Variants in PRDX1 observed in about 807,000 individuals in gnomAD.
PRDX1 encodes peroxiredoxin-1.
A neutral mutation model predicts 20.7 loss-of-function variants in PRDX1; 19 were observed. The ratio of observed to expected loss-of-function variants is 0.92; its 90% CI spans 0.64 to 1.35. The LOEUF is 1.35. PRDX1 is among the 40% of genes most tolerant of loss of function. PRDX1 has a pLI of 0.00. For missense variants in PRDX1, 226 were observed against 240.0 expected, an observed-to-expected ratio of 0.94 and a Z score of 0.38; for synonymous variants, 89 against 83.9, an observed-to-expected ratio of 1.06 and a Z score of -0.33.
chr1:45,516,819 C>A (rs1431622460), intron 2 of PRDX1, among the ~76,000 whole-genome samples: 1 of 151,896 alleles, frequency 6.6e-6, no homozygotes, highest in Non-Finnish European at 1.5e-5. Context: ...GTCAGGAGTT[C>A]AAGACCAGGC....
At chr1:45,516,203 C>T (rs1643860213) in intron 2 of PRDX1, among the ~76,000 whole-genome samples, 1 of 152,234 alleles carries the variant, frequency 6.6e-6, no homozygotes, top group Non-Finnish European at 1.5e-5. Context: ...TTGCAGTACT[C>T]CTCTGCTGTA....
Position 45,514,690 on chromosome 1 carries a change from T to C in PRDX1, c.384-53A>G, listed in dbSNP as rs1053606654. The C allele has an allele frequency of 3.7e-6, 6 of 1,607,576 alleles. No homozygotes were observed. In the South Asian group the frequency reaches 4.4e-5, roughly 12 times the overall value. Reference sequence around the variant, plus strand: ...ATACAGGTTTAGAGATGTGCTTTGTTAGAATACAGAGGCTTGAAGCCTGAA... The same window carrying C: ...ATACAGGTTTAGAGATGTGCTTTGTCAGAATACAGAGGCTTGAAGCCTGAA... On this transcript the variant is annotated intron_variant, in intron 4 of 5. Coordinates refer to ENST00000319248, the MANE Select transcript of PRDX1 (RefSeq NM_181697.3).
chr1:45,513,627 T>C (rs1301972361), intron 5 of PRDX1, among the ~76,000 whole-genome samples: 2 of 152,224 alleles, frequency 1.3e-5, no homozygotes, highest in African/African-American at 4.8e-5. Context: ...GCTGTTAATC[T>C]GTAACCTTAT....
intron 5 of PRDX1, chr1:45,512,260 G>A (rs781559215): frequency 6.7e-6 from 1 of 150,178 alleles, no homozygotes; most frequent in African/African-American, 2.4e-5. Flanking sequence ...TAATTTTTGA[G>A]ACAGTCTCAC....
At chr1:45,516,691 G>C (rs1004475459) in intron 2 of PRDX1, among the ~76,000 whole-genome samples, 3 of 152,084 alleles carry the variant, frequency 2.0e-5, no homozygotes, top group African/African-American at 7.2e-5. Context: ...CTCATTTCCA[G>C]GTAGCAGCAA....
intron 5 of PRDX1, chr1:45,512,164 C>T (rs1455759735): frequency 7.2e-6 from 1 of 138,122 alleles, no homozygotes. Context: ...CGTCTCACTG[C>T]AACCTCGGTC....
At chr1:45,512,725 C>CT (rs1643778072) in intron 5 of PRDX1, 1 of 152,184 alleles carries the variant, frequency 6.6e-6, no homozygotes, top group Admixed American at 6.6e-5. Context: ...AAAGGGCCTA[C>CT]TTTGCCACTG....
chr1:45,514,674 T>C (rs1643825185), intron 4 of PRDX1, 37 bp from the exon 5 acceptor site: 3 of 1,611,016 alleles, frequency 1.9e-6, no homozygotes, highest in Non-Finnish European at 2.5e-6. Flanking sequence ...AATACAGGTT[T>C]AGAGATGTGC....
chr1:45,514,417 C>T, intron 5 of PRDX1, 90 bp downstream of exon 5: 1 of 1,462,336 alleles, frequency 6.8e-7, no homozygotes, highest in Middle Eastern at 2.4e-4. Flanking sequence ...TCTCTCATTC[C>T]ACCTAACGAG....
intron 1 of PRDX1, 98 bp from the exon 2 acceptor site, chr1:45,519,152 C>G: frequency 1.2e-6 from 1 of 802,752 alleles, no homozygotes. Context: ...ACAATCAAGG[C>G]ATTGTCCAGT....
upstream of PRDX1, chr1:45,522,106 C>T (rs1042714191): frequency 6.6e-6 from 1 of 152,266 alleles, no homozygotes; most frequent in African/African-American, 2.4e-5. Flanking sequence ...GTGAGGCGCC[C>T]TTGTGGCCGC....
chr1:45,513,798 C>T (rs1170999856), intron 5 of PRDX1, among the ~76,000 whole-genome samples: 1 of 152,210 alleles, frequency 6.6e-6, no homozygotes, highest in Non-Finnish European at 1.5e-5. Flanking sequence ...GGGACACAAA[C>T]ACTGCGGAAG....
rs138187193 is a variant in PRDX1 at position 45,514,929 on chromosome 1, C to G, written c.327G>C (p.Lys109Asn). ...PMNIPLVSDP[K>N]RTIAQDYGVL... ...CCCCATAATCCTGAGCAATGGTGCG[C>G]TTCGGGTCTGATACCAAAGGAATGT... is the stretch of plus-strand genomic sequence containing the variant. Residue 109 changes from lysine (K) to asparagine (N), a missense_variant, in exon 4 of 6, where the codon AAG becomes AAC. Lys to Asn is a moderately conservative substitution (Grantham distance 94). Coordinates refer to ENST00000319248, the MANE Select transcript of PRDX1 (RefSeq NM_181697.3). 2 of 1,614,122 alleles carry G rather than the reference C, an allele frequency of 1.2e-6. No homozygotes were observed. The highest frequency in any genetic ancestry group is 2.7e-5 in the African/African-American group (2 of 74,938).
chr1:45,520,205 CAAAAAAA>C lies in PRDX1; in HGVS notation c.-11-1158_-11-1152del, dbSNP rs59260423. On this transcript the variant is annotated intron_variant, in intron 1 of 5. Transcript: ENST00000319248. ...GGGCAACAGAGTGAGACTCTGTCTCCAAAAAAAAAAAAAAAAAAAAGAGGCAAGACCA... is the reference window on the plus strand; with the variant it reads ...GGGCAACAGAGTGAGACTCTGTCTCCAAAAAAAAAAAAAGAGGCAAGACCA... Among the ~76,000 whole-genome samples, 75 of 91,018 alleles carry C rather than the reference CAAAAAAA, an allele frequency of 8.2e-4. No homozygotes were observed. The Middle Eastern group carries it at 0.036, about 43-fold the overall frequency. The allele number at this position is 91,018 out of a possible 152,430, so 59.7% of individuals were successfully genotyped here. A position where few individuals can be genotyped will look rare whatever the true frequency, so the allele number is the denominator to read the frequency against.
upstream of PRDX1, among the ~76,000 whole-genome samples, chr1:45,522,401 T>C (rs1179668023): frequency 6.6e-6 from 1 of 152,198 alleles, no homozygotes; most frequent in Admixed American, 6.5e-5. Flanking sequence ...TGCTTTCTGT[T>C]GTAAAGGAAA....
intron 1 of PRDX1, among the ~76,000 whole-genome samples, chr1:45,519,653 T>C (rs1345334035): frequency 6.6e-6 from 1 of 152,180 alleles, no homozygotes; most frequent in Non-Finnish European, 1.5e-5. Flanking sequence ...TGGAATGCAA[T>C]GGCATTATCT....
At position 45,511,330 on chromosome 1, in the gene PRDX1, C is replaced by CA. The variant is rs748701917; in HGVS notation, c.598dup (p.Ter200LeufsTer7). 1 of 1,609,438 alleles carries CA rather than the reference C, an allele frequency of 6.2e-7. No individual in the cohort carries two copies. The highest frequency in any genetic ancestry group is 1.1e-5 in the South Asian group (1 of 90,370). ...CCTGGCACTAAAACAGCCCAGCGCT[C>CA]ACTTCTGCTTGGAGAAATATTCTTT... On this transcript the variant is annotated frameshift_variant and stop_lost, in exon 6 of 6. Coordinates refer to ENST00000319248, the MANE Select transcript of PRDX1 (RefSeq NM_181697.3). LOFTEE classifies it high-confidence loss of function.
chr1:45,516,012 A>AT (rs1338661733), intron 2 of PRDX1, among the ~76,000 whole-genome samples: 22 of 152,348 alleles, frequency 1.4e-4, no homozygotes, highest in Admixed American at 3.9e-4. Flanking sequence ...CCCATACTTT[A>AT]TTCTCCTGCC....
intron 4 of PRDX1, 57 bp downstream of exon 4, chr1:45,514,816 T>C: frequency 1.2e-6 from 2 of 1,608,716 alleles, no homozygotes; most frequent in Non-Finnish European, 8.5e-7. Flanking sequence ...ATCAGGGCTC[T>C]AGATCTCTCC....
Sources: allele counts gnomAD v4.1 joint callset (sites outside exome capture counted in the v4.1 genomes callset), GRCh38; gene constraint gnomAD v4.1.1; transcripts MANE v1.5; gene names NCBI Gene and HGNC (gene_info 2026-07-23, HGNC 2026-07-21).